The following EYS variants were observed in gnomAD, a reference collection of about 807,000 sequenced individuals.
The protein encoded by EYS is protein eyes shut homolog.
Under a neutral mutation model 282.1 loss-of-function variants are expected in EYS, and 250 were observed. That is an observed-to-expected ratio of 0.89 (90% CI 0.80 to 0.98). The LOEUF is 0.98. Ranked by LOEUF, EYS falls within the 50% of genes least tolerant of loss-of-function variation. The probability of loss-of-function intolerance (pLI) is 0.00; values close to 1 mark genes in which losing one functional copy is unlikely to be tolerated. For missense variants in EYS, 4,016 were observed against 3,709.0 expected (o/e 1.08, Z -2.15); for synonymous variants, 1,355 against 1,282.9 (o/e 1.06, Z -1.20).
chr6:65,346,441 A>G (rs560685841), intron 9 of EYS, among the ~76,000 whole-genome samples: 44 of 151,360 alleles, frequency 2.9e-4, no homozygotes, highest in African/African-American at 9.7e-4. Flanking sequence ...CGAAGTGTGT[A>G]TAATTTAAAG....
rs1451399600 is a variant in EYS at position 64,439,123 on chromosome 6, T to C, written c.5835+39A>G. 6 of 1,164,612 alleles carry C rather than the reference T, an allele frequency of 5.2e-6. No individual in the cohort carries two copies. In the South Asian group the frequency reaches 5.4e-5, roughly 10 times the overall value. 72.1% of individuals were successfully genotyped at this position (1,164,612 alleles called of 1,614,324 possible). A position where few individuals can be genotyped will look rare whatever the true frequency, so the allele number is the denominator to read the frequency against. On this transcript the variant is annotated intron_variant, in intron 27 of 42. Transcript: ENST00000503581. Reference sequence around the variant, plus strand: ...AATGAAGCACATAATTAGAACAACTTTGTAATTTTTAAAAAATTAAATGAA... The same window carrying C: ...AATGAAGCACATAATTAGAACAACTCTGTAATTTTTAAAAAATTAAATGAA...
chr6:65,465,513 A>C (rs960367974), intron 5 of EYS, among the ~76,000 whole-genome samples: 2 of 151,490 alleles, frequency 1.3e-5, no homozygotes, highest in African/African-American at 4.9e-5. Flanking sequence ...CAAACAAACA[A>C]AAAAGACAGA....
At chr6:64,453,754 A>G (rs924221212) in intron 26 of EYS, among the ~76,000 whole-genome samples, 9 of 152,248 alleles carry the variant, frequency 5.9e-5, no homozygotes, top group African/African-American at 2.2e-4. Flanking sequence ...CACTATCACA[A>G]GGAGAAAAAA....
chr6:64,297,358 A>AATAT (rs2150370322), intron 30 of EYS, among the ~76,000 whole-genome samples: 1 of 141,966 alleles, frequency 7.0e-6, no homozygotes, highest in East Asian at 2.0e-4. Context: ...TGCATATATG[A>AATAT]GGAAAATTTA....
At chr6:63,908,703 C>T (rs1333934611) in intron 35 of EYS, among the ~76,000 whole-genome samples, 2 of 152,080 alleles carry the variant, frequency 1.3e-5, no homozygotes, top group Non-Finnish European at 1.5e-5. Context: ...CGCCCTCCTA[C>T]GCCTCCCACA....
intron 2 of EYS, among the ~76,000 whole-genome samples, chr6:65,574,622 T>C (rs1681619665): frequency 6.6e-6 from 1 of 152,154 alleles, no homozygotes; most frequent in Admixed American, 6.6e-5. Flanking sequence ...AGCTAAGTAA[T>C]AGTAATATAT....
intron 31 of EYS, among the ~76,000 whole-genome samples, chr6:64,125,029 A>G (rs991679469): frequency 1.3e-5 from 2 of 152,160 alleles, no homozygotes; most frequent in African/African-American, 2.4e-5. Flanking sequence ...GAACAAAGAC[A>G]AAAGTTCTGA....
intron 22 of EYS, among the ~76,000 whole-genome samples, chr6:64,698,863 T>C (rs1234318283): frequency 2.0e-5 from 3 of 152,176 alleles, no homozygotes; most frequent in Non-Finnish European, 4.4e-5. Flanking sequence ...AACATACCTA[T>C]ACACTATTGG....
intron 12 of EYS, among the ~76,000 whole-genome samples, chr6:65,278,030 TC>T (rs373881619): frequency 1.6e-3 from 4 of 2,528 alleles, no homozygotes; most frequent in Non-Finnish European, 4.9e-3. Context: ...TCTTTTCTTT[TC>T]CTTTTCTTTT....
chr6:64,090,111 A>G (rs1772303118), intron 31 of EYS, among the ~76,000 whole-genome samples: 1 of 152,160 alleles, frequency 6.6e-6, no homozygotes, highest in Non-Finnish European at 1.5e-5. Flanking sequence ...TCTTCAATGC[A>G]GGAAAAATAA....
intron 31 of EYS, among the ~76,000 whole-genome samples, chr6:64,191,724 A>G (rs1765118558): frequency 6.6e-6 from 1 of 151,756 alleles, no homozygotes. Context: ...AATCCAGTCT[A>G]TCATTGTTGG....
chr6:64,040,446 T>C (rs1770335895), intron 33 of EYS, among the ~76,000 whole-genome samples: 1 of 152,234 alleles, frequency 6.6e-6, no homozygotes, highest in Admixed American at 6.5e-5. Context: ...TAATGAGCTT[T>C]TAAAAACTGT....
chr6:63,823,431 G>GT (rs577588680), intron 36 of EYS, among the ~76,000 whole-genome samples: 205 of 152,214 alleles, frequency 1.3e-3, no homozygotes, highest in South Asian at 7.0e-3. Context: ...AATTAAAAAT[G>GT]TTTTTTCATT....
chr6:64,230,474 CA>C, intron 31 of EYS, 117 bp downstream of exon 31: 1 of 542,342 alleles, frequency 1.8e-6, no homozygotes, highest in Non-Finnish European at 3.2e-6. Context: ...TAAAATTATA[CA>C]GCTGTTTCTT....
chr6:65,330,549 A>C (rs543909997), intron 11 of EYS: 1 of 983,860 alleles, frequency 1.0e-6, no homozygotes, highest in Non-Finnish European at 1.2e-6. Flanking sequence ...AAAATGTGGT[A>C]ATATGCAGAC....
chr6:65,005,488 G>A (rs769842913), intron 13 of EYS, among the ~76,000 whole-genome samples: 1 of 147,462 alleles, frequency 6.8e-6, no homozygotes, highest in Non-Finnish European at 1.5e-5. Flanking sequence ...AGGACCACCC[G>A]GTAACATTTT....
chr6:63,936,254 C>T (rs1350529658), intron 35 of EYS, among the ~76,000 whole-genome samples: 5 of 152,090 alleles, frequency 3.3e-5, no homozygotes, highest in South Asian at 2.1e-4. Flanking sequence ...TGATTGCTGG[C>T]GGATAGGTAT....
chr6:64,090,227 T>G (rs1772308115), intron 31 of EYS, among the ~76,000 whole-genome samples: 1 of 152,166 alleles, frequency 6.6e-6, no homozygotes, highest in Admixed American at 6.5e-5. Context: ...TCTTTTCTAC[T>G]TTAGAAATTC....
chr6:65,242,474 T>C (rs1272416210), intron 12 of EYS, among the ~76,000 whole-genome samples: 1 of 152,142 alleles, frequency 6.6e-6, no homozygotes, highest in Non-Finnish European at 1.5e-5. Context: ...TGTATCGCCA[T>C]CTAATCTTTC....
Sources: allele counts gnomAD v4.1 joint callset (sites outside exome capture counted in the v4.1 genomes callset), GRCh38; gene constraint gnomAD v4.1.1; transcripts MANE v1.5; gene names NCBI Gene and HGNC (gene_info 2026-07-23, HGNC 2026-07-21).